DLGAP1: variants seen among roughly 807,000 people sequenced by gnomAD.
DLGAP1 encodes the protein DLG associated protein 1, also known as disks large-associated protein 1.
A neutral mutation model predicts 90.8 loss-of-function variants in DLGAP1; 11 were observed. That is an observed-to-expected ratio of 0.12 (90% CI 0.08 to 0.20). The LOEUF (loss-of-function observed/expected upper bound fraction) is 0.20, where lower values mean the gene tolerates loss of function less well. Ranked by LOEUF, DLGAP1 falls within the 10% of genes least tolerant of loss-of-function variation. The pLI, the probability that DLGAP1 is intolerant of heterozygous loss-of-function variation, is 1.00. For synonymous variants in DLGAP1, 558 were observed against 540.7 expected (o/e 1.03, Z -0.44); for missense variants, 1,050 against 1,333.8 (o/e 0.79, Z 3.31).
chr18:4,269,089 A>T (rs1054721890), intron 1 of DLGAP1, among the ~76,000 whole-genome samples: 2 of 151,874 alleles, frequency 1.3e-5, no homozygotes, highest in African/African-American at 2.4e-5. Context: ...ATTAACTCTT[A>T]TAATATCAAG....
chr18:3,980,204 G>A (rs1183854698), intron 3 of DLGAP1, among the ~76,000 whole-genome samples: 4 of 152,118 alleles, frequency 2.6e-5, no homozygotes, highest in Non-Finnish European at 4.4e-5. Flanking sequence ...GGGAGATAGA[G>A]ATGGTGAGGA....
rs544204570 is a variant in DLGAP1, at chr18:4,229,884, C to T, written c.-266-78597G>A. Among the ~76,000 whole-genome samples the T allele has an allele frequency of 4.5e-3, 681 of 152,046 alleles. 5 individuals are homozygous for T. The highest frequency in any genetic ancestry group is 0.015 in the African/African-American group (637 of 41,498). ...ACCCACAGAAAATGTTTGCAAACTG[C>T]CCATCTGAGAAGAGATTAATGACCA... On this transcript the variant is annotated intron_variant, in intron 1 of 12. Coordinates refer to ENST00000315677, the MANE Select transcript of DLGAP1 (RefSeq NM_004746.4).
rs1254219184 is a variant in DLGAP1, at chr18:3,884,015, ATT to A, written c.-72-3877_-72-3876del. Among the ~76,000 whole-genome samples, 16 of 152,292 alleles carry A rather than the reference ATT, an allele frequency of 1.1e-4. No individual in the cohort carries two copies. In the East Asian group the frequency reaches 2.9e-3, roughly 28 times the overall value. On this transcript the variant is annotated intron_variant, in intron 3 of 12. Transcript: ENST00000315677. ...TGACTCTTGAAGGGACAAAAAAGGA[ATT>A]CAGGACTTATGATACCTGTGGATAA... is the stretch of plus-strand genomic sequence containing the variant.
intron 1 of DLGAP1, among the ~76,000 whole-genome samples, chr18:4,305,752 G>T (rs1370111075): frequency 1.3e-5 from 2 of 151,924 alleles, no homozygotes; most frequent in African/African-American, 4.8e-5. Flanking sequence ...TGAGGTACCT[G>T]TCTCTGGTCA....
At chr18:4,213,568 G>A (rs1270986613) in intron 1 of DLGAP1, among the ~76,000 whole-genome samples, 5 of 152,174 alleles carry the variant, frequency 3.3e-5, no homozygotes, top group African/African-American at 9.7e-5. Context: ...GGGACACAAT[G>A]AGATCAAACT....
At chr18:3,990,862 T>C (rs2073953927) in intron 3 of DLGAP1, among the ~76,000 whole-genome samples, 1 of 151,878 alleles carries the variant, frequency 6.6e-6, no homozygotes, top group Non-Finnish European at 1.5e-5. Flanking sequence ...TTAGCTGCCT[T>C]CTATTAAACC....
At chr18:4,275,759 G>A (rs1199599166) in intron 1 of DLGAP1, among the ~76,000 whole-genome samples, 1 of 152,060 alleles carries the variant, frequency 6.6e-6, no homozygotes, top group Non-Finnish European at 1.5e-5. Flanking sequence ...CTCTCATGGA[G>A]TTTATTTCTG....
chr18:3,565,975 C>T lies in DLGAP1; in HGVS notation c.2057+1515G>A, dbSNP rs8083718. Among the ~76,000 whole-genome samples, 3,397 of 152,158 alleles carry T rather than the reference C, an allele frequency of 0.022. 130 individuals are homozygous for T. The highest frequency in any genetic ancestry group is 0.078 in the African/African-American group (3,245 of 41,478). On this transcript the variant is annotated intron_variant, in intron 9 of 12. Coordinates refer to ENST00000315677, the MANE Select transcript of DLGAP1 (RefSeq NM_004746.4). The surrounding 1 kb of genome is among the most constrained non-coding windows in gnomAD (Gnocchi z 4.0). ...CTTGTCCATCTGCATGAACACTATGCGTGGATATTATATATTAAAGTTTTT... is the reference window on the plus strand; with the variant it reads ...CTTGTCCATCTGCATGAACACTATGTGTGGATATTATATATTAAAGTTTTT...
Position 3,600,690 on chromosome 18 carries a change from C to A in DLGAP1, c.1592-18442G>T, listed in dbSNP as rs74998033. On this transcript the variant is annotated intron_variant, in intron 7 of 12. Transcript: ENST00000315677. Reference sequence around the variant, plus strand: ...GAGATCTATAGATATCTATAGAGATCTATATAGATATCTATAGCTATATAG... The same window carrying A: ...GAGATCTATAGATATCTATAGAGATATATATAGATATCTATAGCTATATAG... Among the ~76,000 whole-genome samples the A allele has an allele frequency of 1.5e-4, 9 of 59,794 alleles. 1 individual carries two copies. Among genetic ancestry groups the A allele is most frequent in the East Asian group, 3.6e-4 (1 of 2,768 alleles). The allele number at this position is 59,794 out of a possible 152,430, so 39.2% of individuals were successfully genotyped here. A position where few individuals can be genotyped will look rare whatever the true frequency, so the allele number is the denominator to read the frequency against.
At chr18:4,335,754 T>C (rs1036919061) in intron 1 of DLGAP1, among the ~76,000 whole-genome samples, 1 of 152,332 alleles carries the variant, frequency 6.6e-6, no homozygotes, top group Middle Eastern at 3.4e-3. Context: ...TCAAATATTC[T>C]AAAATGTTTG....
intron 1 of DLGAP1, among the ~76,000 whole-genome samples, chr18:4,394,532 GA>G (rs539543328): frequency 6.6e-6 from 1 of 152,134 alleles, no homozygotes; most frequent in Non-Finnish European, 1.5e-5. Context: ...GAATTTGGGG[GA>G]AAAAATCCCC....
At chr18:4,250,715 T>C (rs2078761539) in intron 1 of DLGAP1, among the ~76,000 whole-genome samples, 1 of 152,282 alleles carries the variant, frequency 6.6e-6, no homozygotes, top group South Asian at 2.1e-4. Context: ...CTTTCCACTA[T>C]GGAGTGAAAA....
At chr18:3,700,947 T>C (rs2061261435) in intron 7 of DLGAP1, among the ~76,000 whole-genome samples, 1 of 152,158 alleles carries the variant, frequency 6.6e-6, no homozygotes, top group African/African-American at 2.4e-5. Context: ...AGTGGGATCA[T>C]AGCTTACTGC....
chr18:4,454,742 G>A lies in DLGAP1; in HGVS notation c.-267+264C>T, dbSNP rs965301770. Reference sequence around the variant, plus strand: ...CTTCCCCTGCCTGGGTCCCCGTGGGGAGCCGCGAGGACCGCATGGCCGGAG... The same window carrying A: ...CTTCCCCTGCCTGGGTCCCCGTGGGAAGCCGCGAGGACCGCATGGCCGGAG... On this transcript the variant is annotated intron_variant, in intron 1 of 12. Transcript: ENST00000315677. The surrounding 1 kb of genome is among the most constrained non-coding windows in gnomAD (Gnocchi z 4.7). Among the ~76,000 whole-genome samples, 1 of 152,112 alleles carries A rather than the reference G, an allele frequency of 6.6e-6. No homozygotes were observed. The highest frequency in any genetic ancestry group is 2.0e-4 in the East Asian group (1 of 5,104).
At chr18:3,742,535 G>A (rs1188003908) in intron 5 of DLGAP1, 23 bp from the exon 6 acceptor site, 8 of 1,612,824 alleles carry the variant, frequency 5.0e-6, no homozygotes, top group East Asian at 4.5e-5. Context: ...AATGGAAGAG[G>A]TGCATTAGTC....
intron 2 of DLGAP1, among the ~76,000 whole-genome samples, chr18:4,058,303 G>T (rs138622622): frequency 0.013 from 2,033 of 152,288 alleles, 17 homozygotes; most frequent in Non-Finnish European, 0.018. Flanking sequence ...CGGGGCTCTT[G>T]TTGCATTTGT....
chr18:3,948,784 G>A (rs2072924446), intron 3 of DLGAP1, among the ~76,000 whole-genome samples: 1 of 152,052 alleles, frequency 6.6e-6, no homozygotes, highest in Non-Finnish European at 1.5e-5. Context: ...GGGTGGGAAG[G>A]GAGTGAGGAA....
At chr18:4,018,066 C>T (rs1445548784) in intron 2 of DLGAP1, among the ~76,000 whole-genome samples, 4 of 152,164 alleles carry the variant, frequency 2.6e-5, no homozygotes, top group African/African-American at 7.2e-5. Flanking sequence ...TCTCTGGATA[C>T]TAACAACGAT....
chr18:4,338,320 TTGAGA>T (rs1304273619), intron 1 of DLGAP1, among the ~76,000 whole-genome samples: 7 of 152,330 alleles, frequency 4.6e-5, no homozygotes, highest in East Asian at 1.9e-4. Context: ...GTTTTGTTTA[TTGAGA>T]TATTTCCAAA....
Sources: allele counts gnomAD v4.1 joint callset (sites outside exome capture counted in the v4.1 genomes callset), GRCh38; gene constraint gnomAD v4.1.1; non-coding constraint Gnocchi (gnomAD v3.1); transcripts MANE v1.5; gene names NCBI Gene and HGNC (gene_info 2026-07-23, HGNC 2026-07-21).